Variants in COL15A1 observed in about 807,000 individuals in gnomAD.
COL15A1 encodes the protein collagen type XV alpha 1 chain.
COL15A1 carries 111 observed loss-of-function variants against 165.9 expected under a neutral mutation model. The ratio of observed to expected loss-of-function variants is 0.67; its 90% CI spans 0.57 to 0.78. The LOEUF (loss-of-function observed/expected upper bound fraction) is 0.78, where lower values mean the gene tolerates loss of function less well. Among genes scored for constraint, COL15A1 ranks in the 30% least tolerant of loss-of-function variants. The pLI is 0.00. For synonymous variants in COL15A1, 659 were observed against 674.8 expected (o/e 0.98, Z 0.36); for missense variants, 1,745 against 1,789.7 (o/e 0.98, Z 0.45).
rs35934703 is a variant in COL15A1 at position 99,005,033 on chromosome 9, G to A, written c.1336G>A (p.Gly446Arg). ...CCTCTCCATGTCCGCCCAGAGCCTC[G>A]GGGAAGAGGCCACTGTGGTAAGGAT... is the stretch of plus-strand genomic sequence containing the variant. ...LDLSMSAQSL[G>R]EEATVGPSSE... Residue 446 changes from glycine to arginine, a missense_variant, in exon 9 of 42, where the codon GGG (glycine) becomes AGG (arginine). Gly to Arg is a moderately radical substitution (Grantham distance 125). Transcript: ENST00000375001. The A allele has an allele frequency of 0.098, 157,443 of 1,609,582 alleles. 10,151 individuals are homozygous for A. The highest frequency in any genetic ancestry group is 0.34 in the East Asian group (15,253 of 44,832).
At chr9:98,985,337 G>A (rs1264144295) in intron 2 of COL15A1, among the ~76,000 whole-genome samples, 2 of 152,202 alleles carry the variant, frequency 1.3e-5, no homozygotes, top group African/African-American at 4.8e-5. Flanking sequence ...TGAAACTTCT[G>A]TTTCAGTGTT....
intron 26 of COL15A1, among the ~76,000 whole-genome samples, chr9:99,047,522 G>A (rs1160613927): frequency 2.0e-5 from 3 of 152,202 alleles, no homozygotes; most frequent in African/African-American, 2.4e-5. Flanking sequence ...CCCTGACTGC[G>A]AGGGGCTGGG....
chr9:98,947,103 T>C lies in COL15A1; in HGVS notation c.100+2853T>C, dbSNP rs569560423. ...ACCCAAAAACTCATATGTATGTTCA[T>C]AGCAGCATTATTTATAATGACCAAA... On this transcript the variant is annotated intron_variant, in intron 2 of 41. Transcript: ENST00000375001. 1.5e-3 allele frequency among the ~76,000 whole-genome samples: 229 copies of C among 152,302 alleles called. 1 individual carries two copies. Among genetic ancestry groups the C allele is most frequent in the African/African-American group, 5.3e-3 (221 of 41,572 alleles).
Position 99,062,276 on chromosome 9 carries a change from G to T in COL15A1, c.3563G>T (p.Ser1188Ile). 6.2e-7 allele frequency: 1 copy of T among 1,613,710 alleles called. No homozygotes were observed. Among genetic ancestry groups the T allele is most frequent in the African/African-American group, 1.3e-5 (1 of 75,004 alleles). ...LGELIPIPAD[S>I]PPPPALSSNP... ...GAACTGATCCCCATTCCTGCCGACAGCCCTCCACCCCCTGCGCTTTCCAGC... is the reference window on the plus strand; with the variant it reads ...GAACTGATCCCCATTCCTGCCGACATCCCTCCACCCCCTGCGCTTTCCAGC... Residue 1188 changes from serine to isoleucine, a missense_variant, in exon 38 of 42, where the codon AGC becomes ATC. Coordinates refer to ENST00000375001, the MANE Select transcript of COL15A1 (RefSeq NM_001855.5).
chr9:99,070,282 A>G lies in COL15A1; in HGVS notation c.*396A>G, dbSNP rs1002920757. Reference sequence around the variant, plus strand: ...TTTTCTTATAAAGTCAGTGTTTAGAAATGTTACCCTTTCTAAGTTATATAC... The same window carrying G: ...TTTTCTTATAAAGTCAGTGTTTAGAGATGTTACCCTTTCTAAGTTATATAC... On this transcript the variant is annotated 3_prime_UTR_variant, in exon 42 of 42. Coordinates refer to ENST00000375001, the MANE Select transcript of COL15A1 (RefSeq NM_001855.5). 2 of 216,560 alleles carry G rather than the reference A, an allele frequency of 9.2e-6. No individual in the cohort carries two copies. Among genetic ancestry groups the G allele is most frequent in the Admixed American group, 5.5e-5 (1 of 18,106 alleles). The allele number at this position is 216,560 out of a possible 1,614,324, so 13.4% of individuals were successfully genotyped here. A position where few individuals can be genotyped will look rare whatever the true frequency, so the allele number is the denominator to read the frequency against.
intron 11 of COL15A1, among the ~76,000 whole-genome samples, chr9:99,019,106 A>G (rs1838984771): frequency 6.6e-6 from 1 of 152,190 alleles, no homozygotes; most frequent in African/African-American, 2.4e-5. Context: ...AACTCAGATG[A>G]ATGCCCCGAT....
chr9:98,995,763 G>C (rs1838531835), intron 5 of COL15A1, among the ~76,000 whole-genome samples: 1 of 152,156 alleles, frequency 6.6e-6, no homozygotes, highest in African/African-American at 2.4e-5. Flanking sequence ...TTCTCTTTTT[G>C]CTCATCTGTA....
intron 2 of COL15A1, among the ~76,000 whole-genome samples, chr9:98,961,633 GT>G (rs1837867030): frequency 6.6e-6 from 1 of 152,146 alleles, no homozygotes; most frequent in Non-Finnish European, 1.5e-5. Flanking sequence ...CCCAGGAGCC[GT>G]TTTTCCTAGC....
chr9:99,059,853 G>T (rs768306233), intron 35 of COL15A1, 36 bp from the exon 36 acceptor site: 7 of 1,611,206 alleles, frequency 4.3e-6, no homozygotes, highest in Non-Finnish European at 5.1e-6. Flanking sequence ...TCAGAGTGTG[G>T]TTTTTGTGTA....
Position 99,016,060 on chromosome 9 carries a change from C to A in COL15A1, c.1588C>A (p.Pro530Thr). Residue 530 changes from proline to threonine, a missense_variant, in exon 11 of 42, where the codon CCC becomes ACC. Coordinates refer to ENST00000375001, the MANE Select transcript of COL15A1 (RefSeq NM_001855.5). ...TAGGEESGSP[P>T]PDGPPLPLPT... ...TGGGGGTGAAGAGTCCGGCAGCCCT[C>A]CCCCTGATGGGCCACCGCTGCCCCT... The A allele has an allele frequency of 6.2e-7, 1 of 1,613,932 alleles. No individual in the cohort carries two copies. Among genetic ancestry groups the A allele is most frequent in the South Asian group, 1.1e-5 (1 of 91,064 alleles).
In COL15A1 at chr9:99,049,679, T is replaced by A. The variant is rs1326776166; in HGVS notation, c.2794-11T>A. ...CTGAACTAATGGAATGGCCTTTTTTTCTTCCTTCAGGGCCCACCTGGCTTA... is the reference window on the plus strand; with the variant it reads ...CTGAACTAATGGAATGGCCTTTTTTACTTCCTTCAGGGCCCACCTGGCTTA... On this transcript the variant is annotated splice_polypyrimidine_tract_variant and intron_variant, in intron 28 of 41. Coordinates refer to ENST00000375001, the MANE Select transcript of COL15A1 (RefSeq NM_001855.5). 5.0e-6 allele frequency: 8 copies of A among 1,612,662 alleles called. No homozygotes were observed. The highest frequency in any genetic ancestry group is 6.8e-6 in the Non-Finnish European group (8 of 1,179,910).
chr9:99,003,379 G>C (rs1423498949), intron 7 of COL15A1, 74 bp from the exon 8 acceptor site: 19 of 1,237,500 alleles, frequency 1.5e-5, no homozygotes, highest in Non-Finnish European at 1.9e-5. Context: ...AGGCTAGGCA[G>C]TCTGTTCTCA....
chr9:99,024,720 T>A (rs1839091010), intron 14 of COL15A1, among the ~76,000 whole-genome samples, 154 bp from the exon 15 acceptor site: 1 of 152,220 alleles, frequency 6.6e-6, no homozygotes, highest in African/African-American at 2.4e-5. Context: ...AGTCGCATGG[T>A]CTCACTGAGC....
At chr9:99,066,599 G>GTT (rs67961829) in intron 39 of COL15A1, among the ~76,000 whole-genome samples, 953 of 70,976 alleles carry the variant, frequency 0.013, 81 homozygotes, top group Middle Eastern at 0.027. Context: ...ATTTTGTTCT[G>GTT]TTTTTTTTTT....
At chr9:98,988,775 T>C (rs1007042306) in intron 4 of COL15A1, among the ~76,000 whole-genome samples, 1 of 151,770 alleles carries the variant, frequency 6.6e-6, no homozygotes, top group Admixed American at 6.6e-5. Context: ...ATACAAAAAT[T>C]AGCCCGGCGT....
At chr9:98,982,133 G>T (rs1029432597) in intron 2 of COL15A1, among the ~76,000 whole-genome samples, 23 of 151,646 alleles carry the variant, frequency 1.5e-4, no homozygotes, top group South Asian at 4.2e-4. Flanking sequence ...GATATATATA[G>T]AGAGAGATAG....
Position 99,004,899 on chromosome 9 carries a change from G to T in COL15A1, c.1202G>T (p.Gly401Val), listed in dbSNP as rs1265590819. Residue 401 changes from glycine to valine, a missense_variant and splice_region_variant, in exon 9 of 42, where the codon GGT (glycine) becomes GTT (valine). Gly to Val is a moderately radical substitution (Grantham distance 109). Coordinates refer to ENST00000375001, the MANE Select transcript of COL15A1 (RefSeq NM_001855.5). ...TENPEEGVTP[G>V]PDNEERLAAT... ...GGTTCCTGTTGACTTTCTATTCAGG[G>T]TCCAGATAATGAAGAGCGTTTAGCA... 1 of 1,614,020 alleles carries T rather than the reference G, an allele frequency of 6.2e-7. No homozygotes were observed. The highest frequency in any genetic ancestry group is 1.7e-5 in the Admixed American group (1 of 60,008).
At chr9:98,970,212 C>G (rs575658921) in intron 2 of COL15A1, among the ~76,000 whole-genome samples, 32 of 152,314 alleles carry the variant, frequency 2.1e-4, no homozygotes, top group Middle Eastern at 3.4e-3. Flanking sequence ...TGAGCACTTA[C>G]CTATGCCAGG....
chr9:98,979,308 A>G (rs1481927340), intron 2 of COL15A1, among the ~76,000 whole-genome samples: 4 of 152,220 alleles, frequency 2.6e-5, no homozygotes, highest in Admixed American at 2.0e-4. Context: ...CCACCACGTT[A>G]TAACAATTTA....
Sources: allele counts gnomAD v4.1 joint callset (sites outside exome capture counted in the v4.1 genomes callset), GRCh38; gene constraint gnomAD v4.1.1; transcripts MANE v1.5; gene names NCBI Gene and HGNC (gene_info 2026-07-23, HGNC 2026-07-21).